Variants in AGBL1 observed in about 807,000 individuals in gnomAD.
AGBL1 encodes cytosolic carboxypeptidase 4.
A neutral mutation model predicts 118.9 loss-of-function variants in AGBL1; 130 were observed. The observed-to-expected ratio is 1.09, with a 90% CI of 0.95 to 1.26. The LOEUF (loss-of-function observed/expected upper bound fraction) is 1.26, where lower values mean the gene tolerates loss of function less well. Ranked by LOEUF, AGBL1 falls within the 50% of genes most tolerant of loss-of-function variation. The pLI, the probability that AGBL1 is intolerant of heterozygous loss-of-function variation, is 0.00. For synonymous variants in AGBL1, 555 were observed against 478.9 expected, an observed-to-expected ratio of 1.16 and a Z score of -2.08; for missense variants, 1,584 against 1,298.1, an observed-to-expected ratio of 1.22 and a Z score of -3.38.
At chr15:86,316,367 C>G (rs2080009853) in intron 17 of AGBL1, among the ~76,000 whole-genome samples, 1 of 152,172 alleles carries the variant, frequency 6.6e-6, no homozygotes, top group South Asian at 2.1e-4. Context: ...TTCTCTCCTA[C>G]ACGGCTTATA....
At chr15:86,829,282 G>A (rs1470049903) in intron 22 of AGBL1, among the ~76,000 whole-genome samples, 1 of 152,134 alleles carries the variant, frequency 6.6e-6, no homozygotes, top group Non-Finnish European at 1.5e-5. Context: ...AGAAACATAT[G>A]CCACATATGA....
At chr15:86,857,687 A>G (rs538079584) in intron 22 of AGBL1, among the ~76,000 whole-genome samples, 4 of 152,156 alleles carry the variant, frequency 2.6e-5, no homozygotes, top group Admixed American at 6.5e-5. Context: ...TCTTTCATTC[A>G]GACCTGGCTC....
chr15:86,283,398 A>G (rs1351209715), intron 16 of AGBL1, among the ~76,000 whole-genome samples: 1 of 149,372 alleles, frequency 6.7e-6, no homozygotes, highest in African/African-American at 2.4e-5. Context: ...AGGATCTTAA[A>G]GGATAGAGCA....
chr15:86,541,007 C>T (rs745621446), intron 19 of AGBL1, among the ~76,000 whole-genome samples: 1 of 152,128 alleles, frequency 6.6e-6, no homozygotes, highest in Admixed American at 6.5e-5. Flanking sequence ...TTAAGGAGTG[C>T]CTATCACCAA....
chr15:86,373,719 A>T (rs564701357), intron 17 of AGBL1, among the ~76,000 whole-genome samples: 1 of 152,226 alleles, frequency 6.6e-6, no homozygotes, highest in Non-Finnish European at 1.5e-5. Flanking sequence ...GGCAAAGCAC[A>T]GCATGCTGGA....
At chr15:86,490,925 G>T (rs564399408) in intron 18 of AGBL1, among the ~76,000 whole-genome samples, 1 of 152,244 alleles carries the variant, frequency 6.6e-6, no homozygotes, top group African/African-American at 2.4e-5. Flanking sequence ...TCTAGATGAT[G>T]ATTGTATCAC....
chr15:86,160,730 G>A (rs771414583), intron 5 of AGBL1, among the ~76,000 whole-genome samples: 5 of 152,136 alleles, frequency 3.3e-5, no homozygotes, highest in Non-Finnish European at 5.9e-5. Context: ...TCTTCCTTTA[G>A]ATTATGTGCA....
intron 22 of AGBL1, among the ~76,000 whole-genome samples, chr15:86,739,432 A>C (rs1320127652): frequency 2.1e-5 from 3 of 142,952 alleles, no homozygotes; most frequent in Non-Finnish European, 3.0e-5. Flanking sequence ...AACAAGAGCG[A>C]AACTCCATCT....
intron 18 of AGBL1, among the ~76,000 whole-genome samples, chr15:86,518,722 C>T (rs931037671): frequency 1.3e-5 from 2 of 151,976 alleles, no homozygotes; most frequent in Non-Finnish European, 2.9e-5. Context: ...GAAATTCCCA[C>T]CTAAAAACAT....
At chr15:86,140,843 A>C (rs1183001250) in intron 1 of AGBL1, among the ~76,000 whole-genome samples, 1 of 152,210 alleles carries the variant, frequency 6.6e-6, no homozygotes, top group Non-Finnish European at 1.5e-5. Context: ...GTGTTGATGA[A>C]ACATCTATTT....
chr15:86,383,120 T>G (rs11637570), intron 17 of AGBL1, among the ~76,000 whole-genome samples: 39,190 of 151,618 alleles, frequency 0.26, 5,758 homozygotes, highest in East Asian at 0.59. Flanking sequence ...CATTGTGCTG[T>G]TCTCATGTGG....
At position 86,522,783 on chromosome 15, in the gene AGBL1, T is replaced by C. The variant is rs752944151; in HGVS notation, c.2556-27T>C. 6.2e-6 allele frequency: 10 copies of C among 1,610,832 alleles called. No individual in the cohort carries two copies. The African/African-American group carries it at 9.4e-5, about 15-fold the overall frequency. ...AAGTTATTTTCTTCTGAATGTGTATTTATTTGCTTATTATTTGTTCCTGTA... is the reference window on the plus strand; with the variant it reads ...AAGTTATTTTCTTCTGAATGTGTATCTATTTGCTTATTATTTGTTCCTGTA... On this transcript the variant is annotated intron_variant, in intron 18 of 22. Transcript: ENST00000614907.
chr15:87,004,510 C>A (rs1255402404), intron 24 of AGBL1, among the ~76,000 whole-genome samples: 1 of 152,102 alleles, frequency 6.6e-6, no homozygotes, highest in African/African-American at 2.4e-5. Context: ...AAGATTATAA[C>A]CCCTGCCTTT....
intron 21 of AGBL1, among the ~76,000 whole-genome samples, chr15:86,606,440 A>G (rs114988654): frequency 2.4e-3 from 363 of 152,318 alleles, no homozygotes; most frequent in African/African-American, 8.4e-3. Context: ...ACTCCAGGGA[A>G]GGGATATAAA....
chr15:86,643,215 T>C (rs2085221827), intron 21 of AGBL1, among the ~76,000 whole-genome samples: 1 of 152,230 alleles, frequency 6.6e-6, no homozygotes, highest in African/African-American at 2.4e-5. Flanking sequence ...TACACACATA[T>C]ATATTCAACA....
At chr15:86,674,487 G>C in intron 22 of AGBL1, 51 bp downstream of exon 22, 1 of 1,555,120 alleles carries the variant, frequency 6.4e-7, no homozygotes, top group Non-Finnish European at 8.8e-7. Context: ...TGGTTCCATT[G>C]CTCAATATCT....
intron 22 of AGBL1, among the ~76,000 whole-genome samples, chr15:86,827,398 CATATATATATGTGTATATATATATAT>C (rs2079033361): frequency 2.8e-4 from 1 of 3,580 alleles, no homozygotes; most frequent in Non-Finnish European, 4.5e-4. Context: ...TATATATATA[CATATATATATGTGTATATATATATAT>C]ATATACACAT....
intron 5 of AGBL1, among the ~76,000 whole-genome samples, chr15:86,202,005 G>A (rs2077914959): frequency 6.6e-6 from 1 of 152,104 alleles, no homozygotes; most frequent in Non-Finnish European, 1.5e-5. Flanking sequence ...ACCCTGTGTG[G>A]CCAGGCATGG....
intron 21 of AGBL1, among the ~76,000 whole-genome samples, chr15:86,571,210 C>T (rs2084001946): frequency 6.6e-6 from 1 of 152,138 alleles, no homozygotes; most frequent in South Asian, 2.1e-4. Flanking sequence ...GCTCCCAGGT[C>T]TGAGATCCCT....
Sources: allele counts gnomAD v4.1 joint callset (sites outside exome capture counted in the v4.1 genomes callset), GRCh38; gene constraint gnomAD v4.1.1; transcripts MANE v1.5; gene names NCBI Gene and HGNC (gene_info 2026-07-23, HGNC 2026-07-21).